Variants in MITF observed in about 807,000 individuals in gnomAD.
MITF encodes microphthalmia-associated transcription factor.
MITF carries 17 observed loss-of-function variants against 60.5 expected under a neutral mutation model. That is an observed-to-expected ratio of 0.28 (90% CI 0.19 to 0.42). MITF has a LOEUF of 0.42. MITF is among the 10% of genes least tolerant of loss of function. The probability of loss-of-function intolerance (pLI) is 1.00; values close to 1 mark genes in which losing one functional copy is unlikely to be tolerated. For missense variants in MITF, 622 were observed against 683.5 expected (o/e 0.91, Z 1.00); for synonymous variants, 260 against 248.5 (o/e 1.05, Z -0.43).
chr3:69,890,955 G>A (rs528450791), intron 2 of MITF, among the ~76,000 whole-genome samples: 1 of 152,238 alleles, frequency 6.6e-6, no homozygotes, highest in East Asian at 1.9e-4. Flanking sequence ...GAGCAAAAAT[G>A]TTAACCATGC....
At chr3:69,961,505 G>C (rs1190569253) in intron 9 of MITF, among the ~76,000 whole-genome samples, 2 of 150,426 alleles carry the variant, frequency 1.3e-5, no homozygotes, top group Non-Finnish European at 2.9e-5. Context: ...AGGAGTTCGA[G>C]ACCAGTCTGG....
Position 69,763,727 on chromosome 3 carries a change from G to C in MITF, c.104+24026G>C, listed in dbSNP as rs1010750407. On this transcript the variant is annotated intron_variant, in intron 1 of 9. Coordinates refer to ENST00000352241, the MANE Select transcript of MITF (RefSeq NM_001354604.2). ...TTCAGCTCTCTTCTGTAGCTTGTTT[G>C]GTCAGTCGAGTTTGGTGTGATTGTC... 19 of 1,335,482 alleles carry C rather than the reference G, an allele frequency of 1.4e-5. No homozygotes were observed. In the Admixed American group the frequency reaches 5.3e-4, roughly 37 times the overall value. The allele number at this position is 1,335,482 out of a possible 1,614,324, so 82.7% of individuals were successfully genotyped here. A position where few individuals can be genotyped will look rare whatever the true frequency, so the allele number is the denominator to read the frequency against.
At chr3:69,742,607 G>T (rs1703568505) in intron 1 of MITF, among the ~76,000 whole-genome samples, 1 of 152,050 alleles carries the variant, frequency 6.6e-6, no homozygotes, top group South Asian at 2.1e-4. Flanking sequence ...TATTGCACTT[G>T]CCTTGATCAT....
chr3:69,739,687 A>T lies in MITF; in HGVS notation c.90A>T (p.Gln30His). The change falls in exon 1 of 10, where the codon CAA becomes CAT. Residue 30 changes from glutamine to histidine, a missense_variant. By Grantham distance (24) the Gln-to-His change is conservative. This residue lies in a region of MITF where 149 missense variants were observed against 157.8 expected (regional missense o/e 0.94). Coordinates refer to ENST00000352241, the MANE Select transcript of MITF (RefSeq NM_001354604.2). ...AAACCTATTACGAACTCAAAAGTCA[A>T]CCGCTGAAGAGCAGGTGAGTGGTGA... Reference protein sequence around the residue: ...EPKTYYELKSQPLKSSSSAEH... With the variant: ...EPKTYYELKSHPLKSSSSAEH... 1.3e-6 allele frequency: 2 copies of T among 1,571,882 alleles called. No homozygotes were observed. Among genetic ancestry groups the T allele is most frequent in the Non-Finnish European group, 1.7e-6 (2 of 1,156,554 alleles).
At position 69,845,438 on chromosome 3, in the gene MITF, C is replaced by CTTTTTTTTTTTTTTTTTTTTTTT. The variant is rs202135701; in HGVS notation, c.105-33693_105-33692insTTTTTTTTTTTTTTTTTTTTTTT. ...TCTTTTCTTTTCTTTTTTCTTTTTT[C>CTTTTTTTTTTTTTTTTTTTTTTT]TTTCTTTTTTTTTTTTTTGCTATTT... On this transcript the variant is annotated intron_variant, in intron 1 of 9. Coordinates refer to ENST00000352241, the MANE Select transcript of MITF (RefSeq NM_001354604.2). 4.5e-5 allele frequency among the ~76,000 whole-genome samples: 6 copies of CTTTTTTTTTTTTTTTTTTTTTTT among 133,676 alleles called. 1 individual carries two copies. Among genetic ancestry groups the CTTTTTTTTTTTTTTTTTTTTTTT allele is most frequent in the Non-Finnish European group, 6.5e-5 (4 of 61,380 alleles). The allele number at this position is 133,676 out of a possible 152,430, so 87.7% of individuals were successfully genotyped here.
At chr3:69,917,768 C>T (rs1249347428) in intron 2 of MITF, among the ~76,000 whole-genome samples, 1 of 151,930 alleles carries the variant, frequency 6.6e-6, no homozygotes, top group African/African-American at 2.4e-5. Flanking sequence ...TCTTGGTGGG[C>T]AGGTTGGTTG....
At chr3:69,808,844 A>G (rs889069597) in intron 1 of MITF, among the ~76,000 whole-genome samples, 1 of 152,150 alleles carries the variant, frequency 6.6e-6, no homozygotes, top group Non-Finnish European at 1.5e-5. Context: ...GGTGAATCAC[A>G]TGATCAGATG....
chr3:69,873,298 A>G (rs2064278899), intron 1 of MITF, among the ~76,000 whole-genome samples: 1 of 152,148 alleles, frequency 6.6e-6, no homozygotes, highest in Non-Finnish European at 1.5e-5. Context: ...TTTGGAAGGA[A>G]TGGAAAGTTT....
intron 1 of MITF, among the ~76,000 whole-genome samples, chr3:69,766,727 A>G (rs1036639472): frequency 7.2e-5 from 11 of 152,260 alleles, no homozygotes; most frequent in Non-Finnish European, 7.3e-5. Context: ...AGGGATAAGT[A>G]TGTGGGATTG....
intron 2 of MITF, among the ~76,000 whole-genome samples, chr3:69,893,561 C>T (rs921017262): frequency 6.6e-6 from 1 of 152,116 alleles, no homozygotes; most frequent in African/African-American, 2.4e-5. Context: ...CTGTCATCAG[C>T]ATTTCAACCA....
intron 4 of MITF, among the ~76,000 whole-genome samples, 157 bp from the exon 5 acceptor site, chr3:69,941,079 C>A (rs1281055341): frequency 6.6e-6 from 1 of 152,156 alleles, no homozygotes; most frequent in African/African-American, 2.4e-5. Context: ...CTATTTTATA[C>A]TTCAATACTA....
intron 2 of MITF, among the ~76,000 whole-genome samples, chr3:69,912,773 T>A (rs947045392): frequency 5.3e-5 from 8 of 152,148 alleles, no homozygotes; most frequent in African/African-American, 1.4e-4. Context: ...TTGCAAGGAA[T>A]TTGGGCTGCA....
At chr3:69,885,811 T>C (rs2064601213) in intron 2 of MITF, among the ~76,000 whole-genome samples, 1 of 152,080 alleles carries the variant, frequency 6.6e-6, no homozygotes, top group South Asian at 2.1e-4. Flanking sequence ...TTAGGGACCA[T>C]TTGTGGAGGC....
intron 8 of MITF, among the ~76,000 whole-genome samples, chr3:69,956,985 T>G (rs1277427850): frequency 6.6e-6 from 1 of 152,078 alleles, no homozygotes; most frequent in Middle Eastern, 3.2e-3. Context: ...ACAAAAAGGG[T>G]CAATTATTTT....
chr3:69,918,408 G>A (rs1454129810), intron 2 of MITF, among the ~76,000 whole-genome samples: 1 of 152,154 alleles, frequency 6.6e-6, no homozygotes, highest in Non-Finnish European at 1.5e-5. Flanking sequence ...TATTAAGGAT[G>A]ACAAGATGAA....
At chr3:69,848,160 G>T (rs1272154713) in intron 1 of MITF, among the ~76,000 whole-genome samples, 2 of 152,226 alleles carry the variant, frequency 1.3e-5, no homozygotes, top group African/African-American at 4.8e-5. Flanking sequence ...GGTTCAGAGA[G>T]AATTGTTGGA....
At chr3:69,892,295 A>AT (rs1459826368) in intron 2 of MITF, among the ~76,000 whole-genome samples, 1 of 152,130 alleles carries the variant, frequency 6.6e-6, no homozygotes, top group Non-Finnish European at 1.5e-5. Flanking sequence ...TTTAGACTTT[A>AT]TTTTTTAGAG....
intron 1 of MITF, among the ~76,000 whole-genome samples, chr3:69,870,440 A>ATT (rs1356293333): frequency 7.2e-4 from 98 of 135,232 alleles, no homozygotes; most frequent in South Asian, 1.6e-3. Context: ...ATATATATAT[A>ATT]TTTTTTTTTT....
intron 1 of MITF, among the ~76,000 whole-genome samples, chr3:69,760,858 A>G (rs918648054): frequency 6.6e-6 from 1 of 152,198 alleles, no homozygotes; most frequent in African/African-American, 2.4e-5. Context: ...AAGCATTGGA[A>G]ATTAGCATAT....
Sources: gnomAD v4.1 joint callset for allele counts (sites outside exome capture counted in the v4.1 genomes callset) on GRCh38, gnomAD v4.1.1 for gene constraint, gnomAD v4.1.1 regional missense constraint, MANE v1.5 for transcripts, NCBI Gene and HGNC (gene_info 2026-07-23, HGNC 2026-07-21) for gene names.